Variants in SAMD5 observed in about 807,000 individuals in gnomAD.
SAMD5 encodes the protein sterile alpha motif domain containing 5, also known as sterile alpha motif domain-containing protein 5.
In SAMD5, 13 loss-of-function variants were observed where a neutral mutation model predicts 11.3. The ratio of observed to expected loss-of-function variants is 1.15; its 90% CI spans 0.75 to 1.83. SAMD5 has a LOEUF of 1.83. Among genes scored for constraint, SAMD5 ranks in the 40% most tolerant of loss-of-function variants. The pLI, the probability that SAMD5 is intolerant of heterozygous loss-of-function variation, is 0.00. For synonymous variants in SAMD5, 129 were observed against 111.3 expected, an observed-to-expected ratio of 1.16 and a Z score of -1.00; for missense variants, 255 against 239.1, an observed-to-expected ratio of 1.07 and a Z score of -0.44.
intron 1 of SAMD5, among the ~76,000 whole-genome samples, chr6:147,613,541 C>G (rs565699930): frequency 2.0e-5 from 3 of 151,652 alleles, no homozygotes; most frequent in East Asian, 3.9e-4. Flanking sequence ...CCACCAGGCC[C>G]GCTGCCTGCT....
At chr6:147,716,983 C>A (rs1372738257) in intron 1 of SAMD5, among the ~76,000 whole-genome samples, 1 of 152,214 alleles carries the variant, frequency 6.6e-6, no homozygotes, top group African/African-American at 2.4e-5. Flanking sequence ...CCAGCCTATT[C>A]TCCATACATC....
chr6:147,553,610 A>G (rs1449491515), intron 1 of SAMD5, among the ~76,000 whole-genome samples: 1 of 152,176 alleles, frequency 6.6e-6, no homozygotes, highest in East Asian at 1.9e-4. Context: ...ACCTTCCCCT[A>G]GGAATTGTCA....
At chr6:147,713,800 A>G (rs534998122) in intron 1 of SAMD5, among the ~76,000 whole-genome samples, 2 of 152,216 alleles carry the variant, frequency 1.3e-5, no homozygotes, top group South Asian at 2.1e-4. Context: ...GACAAGGGTA[A>G]GCTGTAGTCA....
chr6:147,723,632 C>A (rs919970275), intron 1 of SAMD5, among the ~76,000 whole-genome samples: 1 of 152,114 alleles, frequency 6.6e-6, no homozygotes, highest in Non-Finnish European at 1.5e-5. Flanking sequence ...ATGTCTGGGG[C>A]TCCTGATTTT....
At chr6:147,591,252 C>G (rs1185945105) in intron 1 of SAMD5, among the ~76,000 whole-genome samples, 1 of 152,164 alleles carries the variant, frequency 6.6e-6, no homozygotes, top group African/African-American at 2.4e-5. Context: ...AAGCACTTCA[C>G]TCTTCAACCA....
At chr6:147,730,274 A>T (rs1340468562) in intron 1 of SAMD5, 1 of 357,296 alleles carries the variant, frequency 2.8e-6, no homozygotes, top group Admixed American at 3.8e-5. Flanking sequence ...CATTAATGGG[A>T]TCACTTTGAC....
the SAMD5 span, among the ~76,000 whole-genome samples, chr6:147,856,156 T>C: frequency 6.6e-6 from 1 of 152,120 alleles, no homozygotes; most frequent in Non-Finnish European, 1.5e-5. Context: ...TTATGGTAAG[T>C]GGAAAAAGTC....
intron 1 of SAMD5, among the ~76,000 whole-genome samples, chr6:147,602,053 T>A (rs1789625270): frequency 6.6e-6 from 1 of 152,236 alleles, no homozygotes; most frequent in Admixed American, 6.5e-5. Flanking sequence ...TTGCAGCAAC[T>A]TGTTTCATTC....
intron 1 of SAMD5, among the ~76,000 whole-genome samples, chr6:147,627,080 G>A (rs1790067191): frequency 6.6e-6 from 1 of 152,180 alleles, no homozygotes; most frequent in Admixed American, 6.5e-5. Flanking sequence ...TACCTAAAGA[G>A]GAGAAGCTTT....
At chr6:147,641,588 C>G (rs1216610211) in intron 1 of SAMD5, among the ~76,000 whole-genome samples, 1 of 130,278 alleles carries the variant, frequency 7.7e-6, no homozygotes, top group African/African-American at 2.8e-5. Context: ...TTTTTTTGCT[C>G]AAAAGTTTAA....
At chr6:147,559,621 G>A (rs1330874862) in intron 1 of SAMD5, among the ~76,000 whole-genome samples, 2 of 152,082 alleles carry the variant, frequency 1.3e-5, no homozygotes, top group East Asian at 1.9e-4. Context: ...ACTTACTAAG[G>A]ACACACCTCG....
chr6:147,936,559 C>T, the SAMD5 span, among the ~76,000 whole-genome samples: 1 of 152,046 alleles, frequency 6.6e-6, no homozygotes, highest in Non-Finnish European at 1.5e-5. Flanking sequence ...AGAAATTCAC[C>T]CCCGTGATCC....
chr6:147,759,368 C>T, the SAMD5 span, among the ~76,000 whole-genome samples: 1 of 152,170 alleles, frequency 6.6e-6, no homozygotes, highest in Non-Finnish European at 1.5e-5. Context: ...CACCAAGCAT[C>T]CAAGCTTTAC....
chr6:147,514,628 G>C (rs948175790), intron 1 of SAMD5, among the ~76,000 whole-genome samples: 34 of 152,042 alleles, frequency 2.2e-4, no homozygotes, highest in African/African-American at 7.5e-4. Flanking sequence ...GTATGGGGCT[G>C]TAAATATATT....
chr6:147,553,741 G>A lies in SAMD5; in HGVS notation c.460-10653G>A, dbSNP rs190289360. On this transcript the variant is annotated intron_variant, in intron 1 of 1. Coordinates refer to ENST00000367474, the MANE Select transcript of SAMD5 (RefSeq NM_001030060.3). ...TTTCTTCCGAGTTCATTTGGACAAGGTCAGTGTCTTGAGGGTTATTCAGAT... is the reference window on the plus strand; with the variant it reads ...TTTCTTCCGAGTTCATTTGGACAAGATCAGTGTCTTGAGGGTTATTCAGAT... Among the ~76,000 whole-genome samples, 680 of 152,248 alleles carry A rather than the reference G, an allele frequency of 4.5e-3. 8 individuals carry two copies. The highest frequency in any genetic ancestry group is 6.3e-3 in the Non-Finnish European group (430 of 68,020).
In SAMD5 at chr6:147,591,030, C is replaced by T. The variant is rs578069222; in HGVS notation, c.162+81643C>T. On this transcript the variant is annotated intron_variant, in intron 1 of 1. Transcript: ENST00000566741. ...TCCTGGGTGTATTAGTGCTATTCTT[C>T]GAGGTCTTTTAAAAAGCTGTTAAAC... Among the ~76,000 whole-genome samples the T allele has an allele frequency of 2.1e-3, 320 of 152,084 alleles. 2 individuals carry two copies. Among genetic ancestry groups the T allele is most frequent in the Non-Finnish European group, 3.5e-3 (238 of 68,000 alleles).
the SAMD5 span, among the ~76,000 whole-genome samples, chr6:147,941,089 CT>C: frequency 1.4e-4 from 21 of 152,246 alleles, no homozygotes; most frequent in African/African-American, 4.8e-4. Context: ...ATCTTAAAGA[CT>C]TTTTTCTTCA....
At chr6:147,839,571 G>A in the SAMD5 span, among the ~76,000 whole-genome samples, 50 of 152,172 alleles carry the variant, frequency 3.3e-4, no homozygotes, top group South Asian at 1.5e-3. Flanking sequence ...CCAACATGGC[G>A]AAACCCAGTC....
At chr6:147,712,052 TAG>T (rs1172583238) in intron 1 of SAMD5, among the ~76,000 whole-genome samples, 1 of 152,208 alleles carries the variant, frequency 6.6e-6, no homozygotes, top group Non-Finnish European at 1.5e-5. Context: ...TCTGATCAGT[TAG>T]AGATTGGAAA....
Sources: allele counts gnomAD v4.1 joint callset (sites outside exome capture counted in the v4.1 genomes callset), GRCh38; gene constraint gnomAD v4.1.1; transcripts MANE v1.5; gene names NCBI Gene and HGNC (gene_info 2026-07-23, HGNC 2026-07-21).